RBFOX1: variants seen among roughly 807,000 people sequenced by gnomAD.
The protein encoded by RBFOX1 is RNA binding protein fox-1 homolog 1.
RBFOX1 carries 8 observed loss-of-function variants against 57.7 expected under a neutral mutation model. The observed-to-expected ratio is 0.14, with a 90% CI of 0.08 to 0.25. The LOEUF is 0.25. Ranked by LOEUF, RBFOX1 falls within the 10% of genes least tolerant of loss-of-function variation. RBFOX1 has a pLI of 1.00. For missense variants in RBFOX1, 611 were observed against 548.5 expected (o/e 1.11, Z -1.14); for synonymous variants, 326 against 222.4 (o/e 1.47, Z -4.15).
At chr16:7,243,971 C>G (rs1216122967) in intron 4 of RBFOX1, among the ~76,000 whole-genome samples, 1 of 93,214 alleles carries the variant, frequency 1.1e-5, no homozygotes, top group Non-Finnish European at 2.0e-5. Flanking sequence ...AACTCGATAA[C>G]TAACATACAT....
chr16:6,450,824 T>C (rs1269242150), intron 2 of RBFOX1, among the ~76,000 whole-genome samples: 846 of 33,228 alleles, frequency 0.025, 151 homozygotes, highest in African/African-American at 0.12. Context: ...TATACATATA[T>C]ATATATATAT....
At chr16:7,345,201 A>T (rs981969051) in intron 4 of RBFOX1, among the ~76,000 whole-genome samples, 17 of 151,962 alleles carry the variant, frequency 1.1e-4, no homozygotes, top group African/African-American at 4.1e-4. Context: ...CATGTCAGTT[A>T]CTCCCGGGGC....
intron 3 of RBFOX1, among the ~76,000 whole-genome samples, chr16:6,984,476 T>G (rs1464708857): frequency 6.6e-6 from 1 of 152,140 alleles, no homozygotes; most frequent in Non-Finnish European, 1.5e-5. Context: ...AAGCCACTGT[T>G]AGGCAGGTTT....
chr16:6,982,507 A>G (rs1425876364), intron 3 of RBFOX1, among the ~76,000 whole-genome samples: 2 of 152,154 alleles, frequency 1.3e-5, no homozygotes, highest in East Asian at 1.9e-4. Flanking sequence ...ATCCTGGAGT[A>G]GTCTCAGACG....
chr16:5,635,512 A>G (rs1401476908), intron 3 of RBFOX1, among the ~76,000 whole-genome samples: 1 of 152,328 alleles, frequency 6.6e-6, no homozygotes, highest in South Asian at 2.1e-4. Context: ...TTTGAGTGAC[A>G]AATGTGTTGA....
At chr16:6,750,315 A>G (rs2074673306) in intron 3 of RBFOX1, among the ~76,000 whole-genome samples, 1 of 152,204 alleles carries the variant, frequency 6.6e-6, no homozygotes, top group Non-Finnish European at 1.5e-5. Context: ...CTTAGTTTTA[A>G]TAATGGGTCA....
chr16:7,417,528 T>TTGTGTGTGTGTGTGTGTG (rs545621108), intron 4 of RBFOX1, among the ~76,000 whole-genome samples: 14 of 68,388 alleles, frequency 2.0e-4, no homozygotes, highest in African/African-American at 6.4e-4. Flanking sequence ...TCACATGGTA[T>TTGTGTGTGTGTGTGTGTG]TGTGTGTGTG....
chr16:7,066,558 A>T (rs1251182426), intron 4 of RBFOX1, among the ~76,000 whole-genome samples: 3 of 152,180 alleles, frequency 2.0e-5, no homozygotes, highest in East Asian at 1.9e-4. Context: ...TTTAGGTGCT[A>T]CCAGTTAAAT....
At chr16:5,845,290 A>T (rs968981352) in intron 3 of RBFOX1, among the ~76,000 whole-genome samples, 5 of 152,148 alleles carry the variant, frequency 3.3e-5, no homozygotes, top group Non-Finnish European at 7.3e-5. Flanking sequence ...TGTTCTGAAT[A>T]TTCATTTCCT....
At chr16:5,892,058 T>C (rs929132029) in intron 4 of RBFOX1, among the ~76,000 whole-genome samples, 1 of 152,218 alleles carries the variant, frequency 6.6e-6, no homozygotes, top group African/African-American at 2.4e-5. Flanking sequence ...GCATTCCCGT[T>C]AGGCACATCA....
At chr16:7,566,650 A>G (rs1319362980) in intron 5 of RBFOX1, among the ~76,000 whole-genome samples, 1 of 152,122 alleles carries the variant, frequency 6.6e-6, no homozygotes, top group Non-Finnish European at 1.5e-5. Context: ...ACCTCAGCAC[A>G]GTTTTCTTTT....
chr16:7,448,184 C>G (rs182380906), intron 4 of RBFOX1, among the ~76,000 whole-genome samples: 36 of 152,256 alleles, frequency 2.4e-4, no homozygotes, highest in African/African-American at 8.7e-4. Context: ...GCAAACAGAG[C>G]GGCTTAAAAT....
rs1184097247 is a variant in RBFOX1 at position 6,547,964 on chromosome 16, C to A, written c.-63-106639C>A. Among the ~76,000 whole-genome samples the A allele has an allele frequency of 1.7e-4, 26 of 152,280 alleles. 1 individual carries two copies. Among genetic ancestry groups the A allele is most frequent in the South Asian group, 4.1e-4 (2 of 4,822 alleles). On this transcript the variant is annotated intron_variant, in intron 2 of 15. Transcript: ENST00000550418. ...CTTAGCTGGGAAACGTAGAGAAGAC[C>A]TATGACAATGGATGTACACTGAAAG...
chr16:5,308,545 C>T (rs558359779), intron 1 of RBFOX1, among the ~76,000 whole-genome samples: 1 of 152,196 alleles, frequency 6.6e-6, no homozygotes, highest in Admixed American at 6.5e-5. Context: ...TTAGCCTCAT[C>T]TCAAACCCAT....
At chr16:5,747,947 G>A (rs112671627) in intron 3 of RBFOX1, among the ~76,000 whole-genome samples, 5 of 152,106 alleles carry the variant, frequency 3.3e-5, no homozygotes, top group Admixed American at 3.3e-4. Context: ...TGCTTCTTTA[G>A]TTCTTTTAAT....
intron 3 of RBFOX1, among the ~76,000 whole-genome samples, chr16:6,931,270 A>AATCT (rs200305954): frequency 6.8e-6 from 1 of 147,860 alleles, no homozygotes; most frequent in South Asian, 2.2e-4. Context: ...AAAAAAAAAA[A>AATCT]ATCTATCTAT....
intron 2 of RBFOX1, among the ~76,000 whole-genome samples, chr16:6,526,227 C>G (rs1241250195): frequency 2.6e-5 from 4 of 152,174 alleles, no homozygotes; most frequent in African/African-American, 9.7e-5. Context: ...GGGGGCTCAC[C>G]CCAATGTTTC....
chr16:5,251,590 C>G (rs1262953935), intron 1 of RBFOX1, among the ~76,000 whole-genome samples: 1 of 152,148 alleles, frequency 6.6e-6, no homozygotes, highest in African/African-American at 2.4e-5. Context: ...AACATACTAT[C>G]TAATTACTTT....
chr16:7,581,407 G>A (rs148413533), intron 6 of RBFOX1, among the ~76,000 whole-genome samples: 13 of 152,222 alleles, frequency 8.5e-5, no homozygotes, highest in South Asian at 2.1e-4. Context: ...TCTCTTTGCC[G>A]TGTCAGGTTA....
Sources: allele counts gnomAD v4.1 joint callset (sites outside exome capture counted in the v4.1 genomes callset), GRCh38; gene constraint gnomAD v4.1.1; transcripts MANE v1.5; gene names NCBI Gene and HGNC (gene_info 2026-07-23, HGNC 2026-07-21).